Variants in TRAPPC14 observed in about 807,000 individuals in gnomAD.
TRAPPC14 encodes microtubule associated protein 11.
A neutral mutation model predicts 56.6 loss-of-function variants in TRAPPC14; 24 were observed. The observed-to-expected ratio is 0.42, with a 90% CI of 0.31 to 0.60. The LOEUF (loss-of-function observed/expected upper bound fraction) is 0.60. Among genes scored for constraint, TRAPPC14 ranks in the 20% least tolerant of loss-of-function variants. The pLI, the probability that TRAPPC14 is intolerant of heterozygous loss-of-function variation, is 0.14. For synonymous variants in TRAPPC14, 377 were observed against 347.0 expected, an observed-to-expected ratio of 1.09 and a Z score of -0.96; for missense variants, 615 against 790.3, an observed-to-expected ratio of 0.78 and a Z score of 2.66.
Position 100,154,912 on chromosome 7 carries a change from T to G in TRAPPC14, c.*99A>C, listed in dbSNP as rs770727718. 3 of 1,221,142 alleles carry G rather than the reference T, an allele frequency of 2.5e-6. No homozygotes were observed. The highest frequency in any genetic ancestry group is 1.5e-5 in the African/African-American group (1 of 67,506). The allele number at this position is 1,221,142 out of a possible 1,614,324, so 75.6% of individuals were successfully genotyped here. On this transcript the variant is annotated 3_prime_UTR_variant, in exon 11 of 11. Transcript: ENST00000316937. ...GCTCTGCCAGGCCTCTTCACCCCCG[T>G]CTGGGAGGCATCCCAGGGGAGGCAC... is the stretch of plus-strand genomic sequence containing the variant.
Position 100,156,677 on chromosome 7 carries a change from T to A in TRAPPC14, c.1033A>T (p.Thr345Ser). The change falls in exon 7 of 11, where the codon ACC becomes TCC. Residue 345 changes from threonine (T) to serine (S), a missense_variant. Transcript: ENST00000316937. ...CTCTGAGTGAAGGGCAGCTTTGGGG[T>A]AGACCACTGAACCACAGCAATCAGG... ...VPLIAVVQWS[T>S]PKLPFTQSIY... The A allele has an allele frequency of 6.2e-7, 1 of 1,607,850 alleles. No individual in the cohort carries two copies. The highest frequency in any genetic ancestry group is 8.5e-7 in the Non-Finnish European group (1 of 1,177,044).
At chr7:100,156,071 A>G in intron 8 of TRAPPC14, 2 of 677,190 alleles carry the variant, frequency 3.0e-6, no homozygotes, top group Non-Finnish European at 2.7e-6. Context: ...AAAGGTGAGG[A>G]CTCTGAGGCC....
chr7:100,158,636 C>G lies in TRAPPC14; in HGVS notation c.-137G>C. On this transcript the variant is annotated 5_prime_UTR_variant, in exon 1 of 11. Coordinates refer to ENST00000316937, the MANE Select transcript of TRAPPC14 (RefSeq NM_018275.5). ...GGGCGGCCGGAGAGACCGGCCCGGTCCCGGCACCGGGGCAACGAACCCGAA... is the reference window on the plus strand; with the variant it reads ...GGGCGGCCGGAGAGACCGGCCCGGTGCCGGCACCGGGGCAACGAACCCGAA... The G allele has an allele frequency of 1.1e-6, 1 of 895,228 alleles. No individual in the cohort carries two copies. The highest frequency in any genetic ancestry group is 1.5e-6 in the Non-Finnish European group (1 of 677,728). 55.5% of individuals were successfully genotyped at this position (895,228 alleles called of 1,614,324 possible).
chr7:100,155,892 A>C, intron 8 of TRAPPC14, 67 bp from the exon 9 acceptor site: 1 of 1,595,546 alleles, frequency 6.3e-7, no homozygotes, highest in Non-Finnish European at 8.6e-7. Flanking sequence ...CTTCGCCAGC[A>C]CAGTCTCATC....
In TRAPPC14 at chr7:100,158,086, C is replaced by A; in HGVS notation, c.411+3G>T. The A allele has an allele frequency of 1.3e-6, 2 of 1,481,500 alleles. No homozygotes were observed. The highest frequency in any genetic ancestry group is 1.3e-5 in the South Asian group (1 of 75,112). The allele number at this position is 1,481,500 out of a possible 1,614,324, so 91.8% of individuals were successfully genotyped here. On this transcript the variant is annotated splice_donor_region_variant and intron_variant, in intron 1 of 10. Coordinates refer to ENST00000316937, the MANE Select transcript of TRAPPC14 (RefSeq NM_018275.5). Reference sequence around the variant, plus strand: ...CTGTGCCAGGTCCCCCAAAGCTCCTCACCGTGGTCGCTCCCCCTGAGGTAG... The same window carrying A: ...CTGTGCCAGGTCCCCCAAAGCTCCTAACCGTGGTCGCTCCCCCTGAGGTAG...
chr7:100,158,027 C>T, intron 1 of TRAPPC14, 62 bp downstream of exon 1: 2 of 1,398,852 alleles, frequency 1.4e-6, no homozygotes, highest in South Asian at 1.5e-5. Context: ...CATCTGCCTC[C>T]TGCCTCAGGC....
Position 100,156,710 on chromosome 7 carries a change from C to G in TRAPPC14, c.1000G>C (p.Glu334Gln). ...QPPPGAKEGL[E>Q]VPLIAVVQWS... is the part of the protein sequence containing the mutation. Reference sequence around the variant, plus strand: ...TGAACCACAGCAATCAGGGGAACTTCCAGGCCCTGCAGGAGGGACAAAGGG... The same window carrying G: ...TGAACCACAGCAATCAGGGGAACTTGCAGGCCCTGCAGGAGGGACAAAGGG... Residue 334 changes from glutamate to glutamine, a missense_variant, in exon 7 of 11, where the codon GAA becomes CAA. By Grantham distance (29) the Glu-to-Gln change is conservative. Transcript: ENST00000316937. The G allele has an allele frequency of 6.2e-7, 1 of 1,611,062 alleles. No individual in the cohort carries two copies. Among genetic ancestry groups the G allele is most frequent in the Non-Finnish European group, 8.5e-7 (1 of 1,178,412 alleles).
In TRAPPC14 at chr7:100,154,974, T is replaced by G; in HGVS notation, c.*37A>C. The G allele has an allele frequency of 6.2e-7, 1 of 1,611,796 alleles. No homozygotes were observed. Among genetic ancestry groups the G allele is most frequent in the Non-Finnish European group, 8.5e-7 (1 of 1,178,022 alleles). On this transcript the variant is annotated 3_prime_UTR_variant, in exon 11 of 11. Coordinates refer to ENST00000316937, the MANE Select transcript of TRAPPC14 (RefSeq NM_018275.5). Reference sequence around the variant, plus strand: ...AGGGATCCCCTCTGGGGGCGTTGGGTCTCTGGAGTGTAAGAGGGAACAGAG... The same window carrying G: ...AGGGATCCCCTCTGGGGGCGTTGGGGCTCTGGAGTGTAAGAGGGAACAGAG...
Position 100,157,961 on chromosome 7 carries a change from G to A in TRAPPC14, c.412-23C>T, listed in dbSNP as rs751017033. ...CAGCTGGGGTTGGGAAAGGGGTGAA[G>A]AGGTCAGGAGCAAGTCAGAGGCAGC... On this transcript the variant is annotated intron_variant, in intron 1 of 10. Coordinates refer to ENST00000316937, the MANE Select transcript of TRAPPC14 (RefSeq NM_018275.5). 35 of 1,522,330 alleles carry A rather than the reference G, an allele frequency of 2.3e-5. No individual in the cohort carries two copies. The East Asian group carries it at 7.5e-4, about 33-fold the overall frequency. 94.3% of individuals were successfully genotyped at this position (1,522,330 alleles called of 1,614,324 possible).
In TRAPPC14 at chr7:100,155,578, TTTTA is replaced by T. The variant is rs1235409011; in HGVS notation, c.1395+89_1395+92del. The T allele has an allele frequency of 1.7e-5, 26 of 1,513,074 alleles. No homozygotes were observed. In the African/African-American group the frequency reaches 3.4e-4, roughly 20 times the overall value. 93.7% of individuals were successfully genotyped at this position (1,513,074 alleles called of 1,614,324 possible). A position where few individuals can be genotyped will look rare whatever the true frequency, so the allele number is the denominator to read the frequency against. ...AATCCCACCTTCCCTCTGCCCAGCT[TTTTA>T]TTTCATCCCCAAAATCTAAGGGTCC... On this transcript the variant is annotated intron_variant, in intron 9 of 10. Transcript: ENST00000316937.
At chr7:100,155,966 T>A (rs754870787) in intron 8 of TRAPPC14, 141 bp from the exon 9 acceptor site, 1 of 1,058,720 alleles carries the variant, frequency 9.4e-7, no homozygotes, top group South Asian at 1.3e-5. Flanking sequence ...ATGTTGTAGA[T>A]AACAACAGCT....
At position 100,155,435 on chromosome 7, in the gene TRAPPC14, C is replaced by T. The variant is rs376067689; in HGVS notation, c.1416G>A (p.Leu472=). The change falls in exon 10 of 11, where the codon CTG becomes CTA. Residue 472 remains leucine (L), a synonymous_variant. Transcript: ENST00000316937. ...ACACGCTGGCGGTGAACTGCAGCTT[C>T]AGTTTCATGTGCTGGCTTAGCTGGG... ...GLFELSQHMK[L]KLQFTASVSH... 4.1e-5 allele frequency: 63 copies of T among 1,527,696 alleles called. No individual in the cohort carries two copies. In the African/African-American group the frequency reaches 8.1e-4, roughly 20 times the overall value. 94.6% of individuals were successfully genotyped at this position (1,527,696 alleles called of 1,614,324 possible). A position where few individuals can be genotyped will look rare whatever the true frequency, so the allele number is the denominator to read the frequency against.
At chr7:100,156,252 A>C in intron 8 of TRAPPC14, 134 bp downstream of exon 8, 1 of 837,488 alleles carries the variant, frequency 1.2e-6, no homozygotes, top group South Asian at 1.7e-5. Context: ...ACAGGGCGGA[A>C]GCCACCTGCC....
chr7:100,158,097 C>A lies in TRAPPC14; in HGVS notation c.403G>T (p.Ala135Ser). 6.7e-7 allele frequency: 1 copy of A among 1,493,242 alleles called. No homozygotes were observed. The highest frequency in any genetic ancestry group is 8.9e-7 in the Non-Finnish European group (1 of 1,123,240). 92.5% of individuals were successfully genotyped at this position (1,493,242 alleles called of 1,614,324 possible). The change falls in exon 1 of 11, where the codon GCG (alanine) becomes TCG (serine). Residue 135 changes from alanine (A) to serine (S), a missense_variant. Ala to Ser is a moderately conservative substitution (Grantham distance 99). Transcript: ENST00000316937. ...HGPGPATSGG[A>S]TTLPVEEPIV... ...CCCCCAAAGCTCCTCACCGTGGTCGCTCCCCCTGAGGTAGCAGGGCCCGGG... is the reference window on the plus strand; with the variant it reads ...CCCCCAAAGCTCCTCACCGTGGTCGATCCCCCTGAGGTAGCAGGGCCCGGG...
chr7:100,158,367 G>T lies in TRAPPC14; in HGVS notation c.133C>A (p.Arg45Ser). The T allele has an allele frequency of 6.7e-7, 1 of 1,491,900 alleles. No homozygotes were observed. The allele number at this position is 1,491,900 out of a possible 1,614,324, so 92.4% of individuals were successfully genotyped here. A position where few individuals can be genotyped will look rare whatever the true frequency, so the allele number is the denominator to read the frequency against. Residue 45 changes from arginine to serine, a missense_variant, in exon 1 of 11, where the codon CGT (arginine) becomes AGT (serine). Coordinates refer to ENST00000316937, the MANE Select transcript of TRAPPC14 (RefSeq NM_018275.5). ...RNHLYLGETV[R>S]FLLVLRCRGG... Reference sequence around the variant, plus strand: ...CGGCAGCGCAACACCAGCAGAAAACGGACAGTCTCCCCCAAGTACAGATGG... The same window carrying T: ...CGGCAGCGCAACACCAGCAGAAAACTGACAGTCTCCCCCAAGTACAGATGG...
Position 100,158,219 on chromosome 7 carries a change from C to T in TRAPPC14, c.281G>A (p.Gly94Asp), listed in dbSNP as rs1320682590. The change falls in exon 1 of 11, where the codon GGC (glycine) becomes GAC (aspartate). Residue 94 changes from glycine to aspartate, a missense_variant. Transcript: ENST00000316937. ...CGAATCCTGGTCGCCGGCGCCGCCG[C>T]CCCCCGGCATCCCGCCTCCGGCGCT... ...SVSAGGGMPG[G>D]GGAGDQDSEP... 2.7e-6 allele frequency: 4 copies of T among 1,466,642 alleles called. No individual in the cohort carries two copies. In the African/African-American group the frequency reaches 4.4e-5, roughly 16 times the overall value. 90.9% of individuals were successfully genotyped at this position (1,466,642 alleles called of 1,614,324 possible).
Position 100,157,101 on chromosome 7 carries a change from T to C in TRAPPC14, c.838A>G (p.Asn280Asp). 1 of 1,614,094 alleles carries C rather than the reference T, an allele frequency of 6.2e-7. No homozygotes were observed. Among genetic ancestry groups the C allele is most frequent in the African/African-American group, 1.3e-5 (1 of 75,018 alleles). ...CCCCTCCCAGGACCTCACCAGACAT[T>C]GTCCACCAGCAGCACAGAGCCATCG... ...MPDGSVLLVD[N>D]VCHQSGEVSM... Residue 280 changes from asparagine to aspartate, a missense_variant, in exon 5 of 11, where the codon AAT becomes GAT. Transcript: ENST00000316937.
chr7:100,154,534 C>T lies in TRAPPC14; in HGVS notation c.*477G>A, dbSNP rs1584616388. The T allele has an allele frequency of 2.1e-5, 4 of 187,948 alleles. No individual in the cohort carries two copies. Among genetic ancestry groups the T allele is most frequent in the South Asian group, 2.0e-4 (2 of 10,226 alleles). 11.6% of individuals were successfully genotyped at this position (187,948 alleles called of 1,614,324 possible). ...AAATTAAAGTGCTTCAGGCTGCAAA[C>T]GTAAACATAAGGGGCAGGAGGCTAC... On this transcript the variant is annotated 3_prime_UTR_variant, in exon 11 of 11. Coordinates refer to ENST00000316937, the MANE Select transcript of TRAPPC14 (RefSeq NM_018275.5).
In TRAPPC14 at chr7:100,158,632, C is replaced by G; in HGVS notation, c.-133G>C. ...GCTGGGGCGGCCGGAGAGACCGGCC[C>G]GGTCCCGGCACCGGGGCAACGAACC... On this transcript the variant is annotated 5_prime_UTR_variant, in exon 1 of 11. Coordinates refer to ENST00000316937, the MANE Select transcript of TRAPPC14 (RefSeq NM_018275.5). The G allele has an allele frequency of 1.1e-6, 1 of 934,362 alleles. No individual in the cohort carries two copies. Among genetic ancestry groups the G allele is most frequent in the African/African-American group, 1.7e-5 (1 of 58,440 alleles). The allele number at this position is 934,362 out of a possible 1,614,324, so 57.9% of individuals were successfully genotyped here.
Sources: allele counts gnomAD v4.1 joint callset, GRCh38; gene constraint gnomAD v4.1.1; transcripts MANE v1.5; gene names NCBI Gene and HGNC (gene_info 2026-07-23, HGNC 2026-07-21).